CGNL1: variants seen among roughly 807,000 people sequenced by gnomAD.
CGNL1 encodes the protein cingulin like 1, also known as cingulin-like protein 1.
CGNL1 carries 132 observed loss-of-function variants against 141.2 expected under a neutral mutation model. That is an observed-to-expected ratio of 0.93 (90% confidence interval 0.81 to 1.08). The LOEUF (loss-of-function observed/expected upper bound fraction) is 1.08, where lower values mean the gene tolerates loss of function less well. Among genes scored for constraint, CGNL1 ranks in the 50% least tolerant of loss-of-function variants. The pLI, the probability that CGNL1 is intolerant of heterozygous loss-of-function variation, is 0.00. For synonymous variants in CGNL1, 690 were observed against 622.1 expected (o/e 1.11, Z -1.63); for missense variants, 1,870 against 1,588.6 (o/e 1.18, Z -3.01).
chr15:57,432,117 G>A (rs533049002), intron 1 of CGNL1, among the ~76,000 whole-genome samples: 36 of 152,288 alleles, frequency 2.4e-4, no homozygotes, highest in African/African-American at 7.7e-4. Context: ...GTACTATGCC[G>A]ATTGCTTGGG....
At chr15:57,413,716 G>A (rs1161520777) in intron 1 of CGNL1, among the ~76,000 whole-genome samples, 3 of 152,236 alleles carry the variant, frequency 2.0e-5, no homozygotes, top group South Asian at 2.1e-4. Flanking sequence ...CCCACATTCA[G>A]TGATAAAAAG....
At chr15:57,506,614 C>T (rs1360148355) in intron 8 of CGNL1, among the ~76,000 whole-genome samples, 1 of 152,120 alleles carries the variant, frequency 6.6e-6, no homozygotes, top group East Asian at 1.9e-4. Flanking sequence ...CTGGCTGGCT[C>T]TGGGGAATTT....
At chr15:57,404,750 G>A (rs1205501987) in intron 1 of CGNL1, among the ~76,000 whole-genome samples, 18 of 152,134 alleles carry the variant, frequency 1.2e-4, no homozygotes, top group Admixed American at 1.2e-3. Flanking sequence ...GAACTCAAGA[G>A]GGGCGCCTGC....
chr15:57,507,503 A>T (rs1432948967), intron 8 of CGNL1, among the ~76,000 whole-genome samples: 1 of 152,234 alleles, frequency 6.6e-6, no homozygotes, highest in African/African-American at 2.4e-5. Flanking sequence ...GTAATCACTG[A>T]GTTGCCATAG....
chr15:57,399,247 A>G (rs1217453723), intron 1 of CGNL1, among the ~76,000 whole-genome samples: 2 of 152,202 alleles, frequency 1.3e-5, no homozygotes, highest in African/African-American at 4.8e-5. Context: ...TGTACAATAA[A>G]TTAACTTATT....
chr15:57,418,234 A>G (rs2062871505), intron 1 of CGNL1, among the ~76,000 whole-genome samples: 1 of 152,182 alleles, frequency 6.6e-6, no homozygotes, highest in East Asian at 1.9e-4. Flanking sequence ...TTTCAGCCAA[A>G]ATAACACCCC....
At chr15:57,400,683 G>T (rs1256422193) in intron 1 of CGNL1, among the ~76,000 whole-genome samples, 1 of 151,990 alleles carries the variant, frequency 6.6e-6, no homozygotes, top group Non-Finnish European at 1.5e-5. Context: ...GGGAGTTGGA[G>T]ACCAGCCTGG....
chr15:57,495,556 G>C (rs2063925958), intron 8 of CGNL1, among the ~76,000 whole-genome samples: 1 of 152,206 alleles, frequency 6.6e-6, no homozygotes, highest in South Asian at 2.1e-4. Context: ...CCATTAAGGA[G>C]AGAAAGAAAG....
At chr15:57,523,735 C>A in intron 11 of CGNL1, 94 bp downstream of exon 11, 4 of 1,368,018 alleles carry the variant, frequency 2.9e-6, no homozygotes, top group Non-Finnish European at 4.0e-6. Flanking sequence ...GGGAAACCTG[C>A]AGTAGGTCTA....
chr15:57,538,967 A>G lies in CGNL1; in HGVS notation c.3292-4729A>G, dbSNP rs538864949. Among the ~76,000 whole-genome samples, 15 of 152,336 alleles carry G rather than the reference A, an allele frequency of 9.8e-5. No individual in the cohort carries two copies. The South Asian group carries it at 2.7e-3, about 27-fold the overall frequency. ...AGCTGCTTCCACCTAACTCTGACTC[A>G]GAAGCTGTTTCTGGACCTCCCACCT... On this transcript the variant is annotated intron_variant, in intron 14 of 18. Coordinates refer to ENST00000281282, the MANE Select transcript of CGNL1 (RefSeq NM_032866.5).
chr15:57,393,142 C>T (rs1423450324), intron 1 of CGNL1, among the ~76,000 whole-genome samples: 1 of 152,120 alleles, frequency 6.6e-6, no homozygotes, highest in African/African-American at 2.4e-5. Context: ...TTCCCTTGCT[C>T]CAGGGTTCTA....
chr15:57,511,752 G>A (rs180978117), intron 8 of CGNL1, among the ~76,000 whole-genome samples: 9 of 152,334 alleles, frequency 5.9e-5, no homozygotes, highest in African/African-American at 2.2e-4. Flanking sequence ...TTGTGGTGAT[G>A]AATCTGGTGC....
chr15:57,544,402 C>T (rs774614753), intron 15 of CGNL1, 71 bp from the exon 16 acceptor site: 8 of 1,579,908 alleles, frequency 5.1e-6, no homozygotes, highest in South Asian at 1.2e-5. Context: ...GGTTCTGCCC[C>T]ATATTCTTCG....
intron 8 of CGNL1, among the ~76,000 whole-genome samples, chr15:57,486,397 G>A (rs1402170498): frequency 1.3e-5 from 2 of 152,174 alleles, no homozygotes; most frequent in Admixed American, 6.5e-5. Flanking sequence ...ATAAATCAGC[G>A]AGAAAGAGAG....
chr15:57,458,078 C>A (rs184826152), intron 7 of CGNL1, among the ~76,000 whole-genome samples: 5 of 152,300 alleles, frequency 3.3e-5, no homozygotes, highest in African/African-American at 1.2e-4. Context: ...GAATAGTAAT[C>A]TTCATCTCCT....
intron 1 of CGNL1, among the ~76,000 whole-genome samples, chr15:57,392,066 T>C (rs1311725776): frequency 1.3e-5 from 2 of 152,116 alleles, no homozygotes; most frequent in African/African-American, 4.8e-5. Context: ...TGATTGTGAA[T>C]ATCAATTTCT....
At chr15:57,505,363 T>C (rs2064087465) in intron 8 of CGNL1, among the ~76,000 whole-genome samples, 1 of 152,182 alleles carries the variant, frequency 6.6e-6, no homozygotes, top group Non-Finnish European at 1.5e-5. Context: ...TTTAGAGAAG[T>C]TGTTACTTGC....
At chr15:57,542,372 G>T (rs2032614991) in intron 14 of CGNL1, among the ~76,000 whole-genome samples, 1 of 152,152 alleles carries the variant, frequency 6.6e-6, no homozygotes, top group African/African-American at 2.4e-5. Context: ...GATTCTTCTG[G>T]CTTCTTCAGG....
intron 13 of CGNL1, among the ~76,000 whole-genome samples, chr15:57,531,270 C>T (rs2031937375): frequency 6.6e-6 from 1 of 152,320 alleles, no homozygotes; most frequent in East Asian, 1.9e-4. Context: ...TCCTGCAAGG[C>T]TCTTGCAGAC....
Sources: allele counts gnomAD v4.1 joint callset (sites outside exome capture counted in the v4.1 genomes callset), GRCh38; gene constraint gnomAD v4.1.1; transcripts MANE v1.5; gene names NCBI Gene and HGNC (gene_info 2026-07-23, HGNC 2026-07-21).